Variants in NDUFA10 observed in about 807,000 individuals in gnomAD.
The protein encoded by NDUFA10 is NADH dehydrogenase [ubiquinone] 1 alpha subcomplex subunit 10, mitochondrial.
NDUFA10 carries 40 observed loss-of-function variants against 47.8 expected under a neutral mutation model. The ratio of observed to expected loss-of-function variants is 0.84; its 90% confidence interval spans 0.65 to 1.09. The LOEUF (loss-of-function observed/expected upper bound fraction) is 1.09. Among genes scored for constraint, NDUFA10 ranks in the 50% least tolerant of loss-of-function variants. The pLI, the probability that NDUFA10 is intolerant of heterozygous loss-of-function variation, is 0.00. For missense variants in NDUFA10, 413 were observed against 451.1 expected (o/e 0.92, Z 0.76); for synonymous variants, 183 against 172.2 (o/e 1.06, Z -0.49).
At position 240,021,296 on chromosome 2, in the gene NDUFA10, G is replaced by A. The variant is rs972843837; in HGVS notation, c.361C>T (p.Pro121Ser). ...TAACTGTTGCCATCATTGCTTCTCG[G>A]ATCATCGTAAAATTTCTCCAAACTA... is the stretch of plus-strand genomic sequence containing the variant. ...NCSLEKFYDD[P>S]RSNDGNSYRL... Residue 121 changes from proline (P) to serine (S), a missense_variant, in exon 3 of 10, where the codon CCG becomes TCG. Coordinates refer to ENST00000252711, the MANE Select transcript of NDUFA10 (RefSeq NM_004544.4). The A allele has an allele frequency of 1.9e-6, 3 of 1,614,162 alleles. No individual in the cohort carries two copies. The African/African-American group carries it at 4.0e-5, about 22-fold the overall frequency.
In NDUFA10 at chr2:239,983,838, AG is replaced by A. The variant is rs1695892689; in HGVS notation, c.999+6235del. On this transcript the variant is annotated intron_variant, in intron 9 of 9. Transcript: ENST00000252711. ...ACCAAGAGGTACCTAAGGAGACATG[AG>A]GACCCAATGTCATGTGATATTCTAG... 3 of 1,445,918 alleles carry A rather than the reference AG, an allele frequency of 2.1e-6. No individual in the cohort carries two copies. The African/African-American group carries it at 4.3e-5, about 21-fold the overall frequency. The allele number at this position is 1,445,918 out of a possible 1,614,324, so 89.6% of individuals were successfully genotyped here.
chr2:240,004,408 C>A (rs1484789658), intron 8 of NDUFA10, among the ~76,000 whole-genome samples: 7 of 151,812 alleles, frequency 4.6e-5, no homozygotes, highest in African/African-American at 1.7e-4. Flanking sequence ...TAAGTCATAT[C>A]GTATTACTCC....
intron 9 of NDUFA10, among the ~76,000 whole-genome samples, chr2:239,970,936 C>T (rs1385062647): frequency 6.6e-6 from 1 of 152,218 alleles, no homozygotes; most frequent in Non-Finnish European, 1.5e-5. Context: ...CCTCACCTCC[C>T]TCTAAGAAAG....
intron 9 of NDUFA10, among the ~76,000 whole-genome samples, chr2:239,967,390 C>T (rs1695119713): frequency 6.6e-6 from 1 of 152,222 alleles, no homozygotes; most frequent in South Asian, 2.1e-4. Context: ...CTGGCCCATG[C>T]ATTTACACAC....
intron 5 of NDUFA10, 51 bp from the exon 6 acceptor site, chr2:240,011,747 T>C (rs746851428): frequency 9.6e-6 from 14 of 1,458,540 alleles, no homozygotes; most frequent in Non-Finnish European, 1.3e-5. Flanking sequence ...GTTCATTCTC[T>C]TTGACCTGTG....
chr2:240,000,674 C>T (rs1273235677), intron 8 of NDUFA10, among the ~76,000 whole-genome samples: 1 of 152,182 alleles, frequency 6.6e-6, no homozygotes, highest in Non-Finnish European at 1.5e-5. Context: ...CTGCCAGTCC[C>T]GTCAGCTCCA....
intron 9 of NDUFA10, among the ~76,000 whole-genome samples, chr2:239,988,603 T>C (rs1696101495): frequency 6.6e-6 from 1 of 152,182 alleles, no homozygotes; most frequent in Non-Finnish European, 1.5e-5. Context: ...CAGGTGGGAA[T>C]GATGGCAGCC....
intron 9 of NDUFA10, among the ~76,000 whole-genome samples, chr2:239,962,337 T>C (rs1694888896): frequency 6.6e-6 from 1 of 152,152 alleles, no homozygotes; most frequent in Admixed American, 6.5e-5. Context: ...TTCACAGCCA[T>C]CCACACAGCC....
intron 9 of NDUFA10, chr2:239,983,441 T>TCAA (rs2106432025): frequency 1.3e-6 from 2 of 1,509,678 alleles, no homozygotes; most frequent in Admixed American, 2.2e-5. Flanking sequence ...CTATTTAATT[T>TCAA]CAACTGATCA....
chr2:240,007,196 G>T, intron 7 of NDUFA10, 120 bp downstream of exon 7: 1 of 776,662 alleles, frequency 1.3e-6, no homozygotes, highest in Non-Finnish European at 2.2e-6. Flanking sequence ...CTGCTTTCAG[G>T]TGATAAAACA....
rs757848825 is a variant in NDUFA10, at chr2:239,914,979, GAC to G, written c.295-19667_295-19666del. Among the ~76,000 whole-genome samples, 9 of 138,344 alleles carry G rather than the reference GAC, an allele frequency of 6.5e-5. No homozygotes were observed. In the South Asian group the frequency reaches 1.8e-3, roughly 28 times the overall value. 90.8% of individuals were successfully genotyped at this position (138,344 alleles called of 152,430 possible). Reference sequence around the variant, plus strand: ...AACATACACACAGAACACACACACAGACACACACAAATATATAGACACACACA... The same window carrying G: ...AACATACACACAGAACACACACACAGACACACAAATATATAGACACACACA... On this transcript the variant is annotated intron_variant, in intron 4 of 5. Coordinates refer to the NDUFA10 transcript ENST00000419408.
intron 4 of NDUFA10, among the ~76,000 whole-genome samples, chr2:239,898,363 C>G (rs187564749): frequency 5.3e-5 from 8 of 152,190 alleles, no homozygotes; most frequent in Non-Finnish European, 1.5e-5. Context: ...TTGGAGGAGG[C>G]GCTGCCCCTG....
At chr2:239,938,762 A>G (rs1694310987) in intron 4 of NDUFA10, among the ~76,000 whole-genome samples, 2 of 152,344 alleles carry the variant, frequency 1.3e-5, no homozygotes, top group Non-Finnish European at 2.9e-5. Flanking sequence ...GGGAGGGTGC[A>G]GATCCTGGCA....
chr2:239,982,087 C>A, intron 9 of NDUFA10: 2 of 1,611,836 alleles, frequency 1.2e-6, no homozygotes, highest in Non-Finnish European at 1.7e-6. Flanking sequence ...TGCTCCCCTG[C>A]AGCAAACCAG....
At chr2:240,023,231 A>C (rs567603019) in intron 1 of NDUFA10, among the ~76,000 whole-genome samples, 1 of 152,384 alleles carries the variant, frequency 6.6e-6, no homozygotes, top group South Asian at 2.1e-4. Context: ...TAATAACCTT[A>C]CTATATACAG....
Position 239,893,448 on chromosome 2 carries a change from A to G in NDUFA10, c.*15-741T>C, listed in dbSNP as rs980977354. On this transcript the variant is annotated intron_variant, in intron 5 of 5. Transcript: ENST00000419408. ...GCTGTAACAAAATACTACAGACTAGATAGATTATAGAAAAAGAATAGAACA... is the reference window on the plus strand; with the variant it reads ...GCTGTAACAAAATACTACAGACTAGGTAGATTATAGAAAAAGAATAGAACA... Among the ~76,000 whole-genome samples the G allele has an allele frequency of 2.6e-5, 4 of 152,292 alleles. No homozygotes were observed. The South Asian group carries it at 8.3e-4, about 32-fold the overall frequency.
At chr2:239,970,001 C>T (rs1206034599) in intron 9 of NDUFA10, among the ~76,000 whole-genome samples, 2 of 152,170 alleles carry the variant, frequency 1.3e-5, no homozygotes, top group African/African-American at 4.8e-5. Context: ...AAACACTTTC[C>T]ATGTGTTCTG....
Position 239,981,236 on chromosome 2 carries a change from G to C in NDUFA10, c.999+8838C>G, listed in dbSNP as rs147695586. Among the ~76,000 whole-genome samples the C allele has an allele frequency of 3.0e-3, 457 of 152,294 alleles. 1 individual carries two copies. Among genetic ancestry groups the C allele is most frequent in the Non-Finnish European group, 5.1e-3 (344 of 68,026 alleles). On this transcript the variant is annotated intron_variant, in intron 9 of 9. Coordinates refer to ENST00000252711, the MANE Select transcript of NDUFA10 (RefSeq NM_004544.4). ...TCATCTGGCAACCTGACTCAGGAGG[G>C]ACCCACTCTCACCAAATGCCCATGG...
chr2:239,944,991 C>T (rs1479593645), intron 4 of NDUFA10, among the ~76,000 whole-genome samples: 1 of 149,062 alleles, frequency 6.7e-6, no homozygotes, highest in East Asian at 2.0e-4. Flanking sequence ...ATGGGGGTGA[C>T]TTCCCAGGGG....
Sources: gnomAD v4.1 joint callset for allele counts (sites outside exome capture counted in the v4.1 genomes callset) on GRCh38, gnomAD v4.1.1 for gene constraint, MANE v1.5 for transcripts, NCBI Gene and HGNC (gene_info 2026-07-23, HGNC 2026-07-21) for gene names.